The following SLC25A29 variants were observed in gnomAD, a reference collection of about 807,000 sequenced individuals.
SLC25A29 encodes mitochondrial basic amino acids transporter.
Under a neutral mutation model 10.0 loss-of-function variants are expected in SLC25A29, and 13 were observed. The observed-to-expected ratio is 1.30, with a 90% CI of 0.85 to 2.07. The LOEUF is 2.07. Among genes scored for constraint, SLC25A29 ranks in the 30% most tolerant of loss-of-function variants. SLC25A29 has a pLI of 0.00. For missense variants in SLC25A29, 475 were observed against 447.6 expected (o/e 1.06, Z -0.55); for synonymous variants, 244 against 221.1 (o/e 1.10, Z -0.92).
chr14:100,306,355 G>C lies in SLC25A29; in HGVS notation c.-123C>G, dbSNP rs1351079705. On this transcript the variant is annotated 5_prime_UTR_variant, in exon 1 of 4. Transcript: ENST00000359232. ...GGGCTGGGCCTGGCCGCTCCTCCTGGCGCGGAGCCCGGGCAGGCGCGGTCA... is the reference window on the plus strand; with the variant it reads ...GGGCTGGGCCTGGCCGCTCCTCCTGCCGCGGAGCCCGGGCAGGCGCGGTCA... 1.2e-5 allele frequency: 12 copies of C among 1,018,174 alleles called. No homozygotes were observed. Among genetic ancestry groups the C allele is most frequent in the Non-Finnish European group, 1.5e-5 (12 of 794,646 alleles). 63.1% of individuals were successfully genotyped at this position (1,018,174 alleles called of 1,614,324 possible). A position where few individuals can be genotyped will look rare whatever the true frequency, so the allele number is the denominator to read the frequency against.
At chr14:100,282,827 A>T in the SLC25A29 span, 3 of 152,234 alleles carry the variant, frequency 2.0e-5, no homozygotes, top group Admixed American at 2.0e-4. Context: ...CAGTCCTCTA[A>T]GCCACTTCTT....
intron 1 of SLC25A29, among the ~76,000 whole-genome samples, chr14:100,302,622 T>G (rs1320865862): frequency 6.6e-6 from 1 of 152,188 alleles, no homozygotes; most frequent in Non-Finnish European, 1.5e-5. Context: ...CCCGAAGTGC[T>G]GGGATTACAG....
chr14:100,299,005 G>A (rs1444496819), intron 1 of SLC25A29, 120 bp from the exon 2 acceptor site: 4 of 1,503,514 alleles, frequency 2.7e-6, no homozygotes, highest in African/African-American at 2.8e-5. Flanking sequence ...AAAGGACATT[G>A]ACCAAGCACC....
chr14:100,303,835 G>A (rs1446446452), intron 1 of SLC25A29, among the ~76,000 whole-genome samples: 1 of 152,178 alleles, frequency 6.6e-6, no homozygotes, highest in Non-Finnish European at 1.5e-5. Flanking sequence ...TGGTAGCAGA[G>A]GTAGTGGAAG....
chr14:100,284,214 CTGCT>C, the SLC25A29 span, among the ~76,000 whole-genome samples: 1 of 152,250 alleles, frequency 6.6e-6, no homozygotes, highest in Non-Finnish European at 1.5e-5. Flanking sequence ...CCAAGGTACT[CTGCT>C]TGCCACTGGC....
chr14:100,297,702 C>T (rs1306724707), intron 2 of SLC25A29, among the ~76,000 whole-genome samples: 4 of 152,210 alleles, frequency 2.6e-5, no homozygotes, highest in South Asian at 2.1e-4. Flanking sequence ...AACGTGGGGC[C>T]GCTGCCTGCC....
rs548569471 is a variant in SLC25A29 at position 100,296,944 on chromosome 14, C to A, written c.78+1898G>T. The stretch of plus-strand genomic sequence containing the variant: ...GTGCTGGACCTCAACTAAAAACAAA[C>A]AGTAGCCAGGCGTGCTGGCACGTGC... On this transcript the variant is annotated intron_variant, in intron 2 of 3. Coordinates refer to ENST00000359232, the MANE Select transcript of SLC25A29 (RefSeq NM_001039355.3). 2.2e-4 allele frequency among the ~76,000 whole-genome samples: 33 copies of A among 152,082 alleles called. No individual in the cohort carries two copies. In the South Asian group the frequency reaches 6.3e-3, roughly 29 times the overall value.
At chr14:100,293,150 G>A in intron 3 of SLC25A29, 118 bp from the exon 4 acceptor site, 3 of 1,453,976 alleles carry the variant, frequency 2.1e-6, no homozygotes, top group Non-Finnish European at 2.7e-6. Context: ...GGACCAAGCA[G>A]AATTTCGTTA....
At chr14:100,286,783 G>A (rs1352462723), downstream of SLC25A29, among the ~76,000 whole-genome samples, 3 of 152,236 alleles carry the variant, frequency 2.0e-5, no homozygotes, top group East Asian at 5.8e-4. Context: ...AGGAGCATGG[G>A]ACCTGGACCC....
chr14:100,291,858 T>G lies in SLC25A29; in HGVS notation c.*425A>C. 1 of 244,722 alleles carries G rather than the reference T, an allele frequency of 4.1e-6. No individual in the cohort carries two copies. 15.2% of individuals were successfully genotyped at this position (244,722 alleles called of 1,614,324 possible). A position where few individuals can be genotyped will look rare whatever the true frequency, so the allele number is the denominator to read the frequency against. Reference sequence around the variant, plus strand: ...CCACCACCCCCCCGGGTGGAGGATGTGTGGAGTTAGAGGTCCCTGGGTGGC... The same window carrying G: ...CCACCACCCCCCCGGGTGGAGGATGGGTGGAGTTAGAGGTCCCTGGGTGGC... On this transcript the variant is annotated 3_prime_UTR_variant, in exon 4 of 4. Transcript: ENST00000359232.
downstream of SLC25A29, chr14:100,291,028 C>G (rs1028879383): frequency 6.6e-6 from 1 of 152,302 alleles, no homozygotes; most frequent in East Asian, 1.9e-4. Flanking sequence ...CAAGGGCACA[C>G]GCACCCCTGA....
At chr14:100,281,878 G>T in the SLC25A29 span, 1 of 152,212 alleles carries the variant, frequency 6.6e-6, no homozygotes, top group Non-Finnish European at 1.5e-5. Flanking sequence ...GCAGATTTGT[G>T]GCCAAGAGGC....
intron 2 of SLC25A29, chr14:100,295,913 G>A: frequency 7.8e-7 from 1 of 1,289,736 alleles, no homozygotes; most frequent in South Asian, 1.2e-5. Flanking sequence ...ACGTGTGAAG[G>A]CCGTGTGCTT....
chr14:100,303,180 G>T (rs1179606992), intron 1 of SLC25A29, among the ~76,000 whole-genome samples: 1 of 152,212 alleles, frequency 6.6e-6, no homozygotes, highest in African/African-American at 2.4e-5. Context: ...ATTTTCTAAA[G>T]CTGAAAATCC....
At chr14:100,289,952 G>A (rs190135669), downstream of SLC25A29, among the ~76,000 whole-genome samples, 70 of 152,172 alleles carry the variant, frequency 4.6e-4, 1 homozygote, top group East Asian at 0.013. Context: ...TGAGGCCGCT[G>A]AACTGGGAAG....
At chr14:100,306,128 G>C in intron 1 of SLC25A29, 71 bp downstream of exon 1, 3 of 1,172,002 alleles carry the variant, frequency 2.6e-6, no homozygotes, top group Non-Finnish European at 2.3e-6. Flanking sequence ...GCGAGGCCAG[G>C]GCGTGCTGGT....
chr14:100,300,718 T>C (rs1466739743), intron 1 of SLC25A29, among the ~76,000 whole-genome samples: 1 of 152,182 alleles, frequency 6.6e-6, no homozygotes, highest in Non-Finnish European at 1.5e-5. Flanking sequence ...TTTTAGATGT[T>C]TGTTGTAAAC....
Position 100,293,298 on chromosome 14 carries a change from TCTTG to T in SLC25A29, c.154_157del (p.Gln52ArgfsTer294). On this transcript the variant is annotated frameshift_variant, in exon 3 of 4. Coordinates refer to ENST00000359232, the MANE Select transcript of SLC25A29 (RefSeq NM_001039355.3). LOFTEE classifies it low-confidence loss of function (END_TRUNC). Reference sequence around the variant, plus strand: ...CCACCAGCCCAGGCCACTCACGCTCTCTTGCTTGATGATGGACTTGAAGCAGTGC... The same window carrying T: ...CCACCAGCCCAGGCCACTCACGCTCTCTTGATGATGGACTTGAAGCAGTGC... 1 of 1,613,202 alleles carries T rather than the reference TCTTG, an allele frequency of 6.2e-7. No individual in the cohort carries two copies. Among genetic ancestry groups the T allele is most frequent in the Non-Finnish European group, 8.5e-7 (1 of 1,179,958 alleles).
At position 100,292,912 on chromosome 14, in the gene SLC25A29, G is replaced by A; in HGVS notation, c.283C>T (p.Gln95Ter). 6.2e-7 allele frequency: 1 copy of A among 1,608,576 alleles called. No individual in the cohort carries two copies. Among genetic ancestry groups the A allele is most frequent in the Non-Finnish European group, 8.5e-7 (1 of 1,178,454 alleles). ...RALGHDSPLN[Q>*]FLAGAAAGAI... ...CCCGCCGCCGCACCTGCCAGGAACT[G>A]GTTGAGGGGCGAGTCGTGGCCCAGG... The change falls in exon 4 of 4, where the codon CAG becomes TAG. Residue 95 changes from glutamine (Q) to a stop codon, truncating the protein, a stop_gained. Transcript: ENST00000359232. LOFTEE classifies it low-confidence loss of function (END_TRUNC).
Sources: gnomAD v4.1 joint callset for allele counts (sites outside exome capture counted in the v4.1 genomes callset) on GRCh38, gnomAD v4.1.1 for gene constraint, MANE v1.5 for transcripts, NCBI Gene and HGNC (gene_info 2026-07-23, HGNC 2026-07-21) for gene names.